PDE4DIP: variants seen among roughly 807,000 people sequenced by gnomAD.
The protein encoded by PDE4DIP is phosphodiesterase 4D interacting protein, also known as myomegalin.
In PDE4DIP, 59 loss-of-function variants were observed where a neutral mutation model predicts 221.4. The ratio of observed to expected loss-of-function variants is 0.27; its 90% CI spans 0.22 to 0.33. PDE4DIP has a LOEUF of 0.33. Ranked by LOEUF, PDE4DIP falls within the 10% of genes least tolerant of loss-of-function variation. The pLI, the probability that PDE4DIP is intolerant of heterozygous loss-of-function variation, is 1.00. For missense variants in PDE4DIP, 1,036 were observed against 2,154.2 expected (o/e 0.48, Z 10.28); for synonymous variants, 404 against 815.9 (o/e 0.50, Z 8.60).
At chr1:149,029,566 G>T (rs1352462685) in intron 41 of PDE4DIP, among the ~76,000 whole-genome samples, 20 of 152,260 alleles carry the variant, frequency 1.3e-4, no homozygotes, top group African/African-American at 4.8e-4. Context: ...GTGTAGGCCT[G>T]TGCTAGTCTG....
chr1:149,028,793 A>C (rs1167325772), intron 41 of PDE4DIP, 90 bp downstream of exon 44: 10 of 728,162 alleles, frequency 1.4e-5, no homozygotes, highest in African/African-American at 3.5e-5. Flanking sequence ...CTTTTCCAGA[A>C]AATCAGGAGC....
In PDE4DIP at chr1:148,999,595, C is replaced by T. The variant is rs2065136226; in HGVS notation, c.3137+1220C>T. Among the ~76,000 whole-genome samples, 3 of 151,896 alleles carry T rather than the reference C, an allele frequency of 2.0e-5. No individual in the cohort carries two copies. In the South Asian group the frequency reaches 6.2e-4, roughly 32 times the overall value. ...ATTGTTCTAAGTGCTGATTCTTTTG[C>T]TCTGAATTATCATAATAACTTTTTC... On this transcript the variant is annotated intron_variant, in intron 23 of 43. Coordinates refer to ENST00000369354, the Ensembl canonical transcript of PDE4DIP.
chr1:149,020,621 C>T, intron 36 of PDE4DIP: 1 of 364,562 alleles, frequency 2.7e-6, no homozygotes, highest in Non-Finnish European at 5.1e-6. Context: ...GAAGGGTTCC[C>T]ATGCTTCCAA....
At chr1:149,010,586 G>A in exon 31 of PDE4DIP, 1 of 1,613,940 alleles carries the variant, frequency 6.2e-7, no homozygotes, top group Non-Finnish European at 8.5e-7. Flanking sequence ...GGCCAACCAG[G>A]CCCATTCAGG....
At chr1:148,997,054 T>C (rs1200369655) in intron 22 of PDE4DIP, among the ~76,000 whole-genome samples, 37 of 152,326 alleles carry the variant, frequency 2.4e-4, no homozygotes, top group South Asian at 1.2e-3. Flanking sequence ...GAGGCCAAAA[T>C]TGACCCAAAG....
chr1:148,936,827 T>C (rs1392860883), intron 4 of PDE4DIP, among the ~76,000 whole-genome samples: 4 of 151,944 alleles, frequency 2.6e-5, no homozygotes, highest in Admixed American at 2.0e-4. Context: ...CACCTTTACA[T>C]CTTGTCCGCT....
At chr1:148,866,709 GAAGA>G (rs1686990126) in intron 2 of PDE4DIP, among the ~76,000 whole-genome samples, 1 of 54,422 alleles carries the variant, frequency 1.8e-5, no homozygotes, top group Non-Finnish European at 3.1e-5. Flanking sequence ...AAAGAGAAAG[GAAGA>G]AAGGAAGGAA....
At chr1:148,937,004 A>T (rs1253129167) in intron 4 of PDE4DIP, among the ~76,000 whole-genome samples, 1 of 152,252 alleles carries the variant, frequency 6.6e-6, no homozygotes, top group African/African-American at 2.4e-5. Flanking sequence ...TATAGTAAAT[A>T]CATAAACCAG....
intron 1 of PDE4DIP, among the ~76,000 whole-genome samples, chr1:148,827,388 G>A (rs1571426714): frequency 9.8e-6 from 1 of 102,114 alleles, no homozygotes; most frequent in Admixed American, 1.0e-4. Flanking sequence ...CCGAGTAGCT[G>A]GGACCACAGG....
chr1:148,973,808 GATTA>G (rs1373857981), intron 16 of PDE4DIP, among the ~76,000 whole-genome samples: 1 of 133,234 alleles, frequency 7.5e-6, no homozygotes, highest in African/African-American at 2.8e-5. Context: ...AAATTATTTG[GATTA>G]ATTTTTTTAT....
chr1:148,989,138 G>A (rs1553553775), intron 21 of PDE4DIP: 1 of 308,934 alleles, frequency 3.2e-6, no homozygotes. Flanking sequence ...GACCTTGTAT[G>A]AGATAACTTA....
At chr1:149,005,051 G>T (rs781844532) in exon 27 of PDE4DIP, 10 of 1,610,462 alleles carry the variant, frequency 6.2e-6, no homozygotes, top group South Asian at 5.5e-5. Context: ...AAGAGTTCCG[G>T]GTATATGGAA....
intron 4 of PDE4DIP, among the ~76,000 whole-genome samples, chr1:148,932,920 C>T (rs12058762): frequency 5.9e-5 from 9 of 152,206 alleles, no homozygotes; most frequent in South Asian, 2.1e-4. Flanking sequence ...AAAAGAGACC[C>T]CAGAGAGCTA....
intron 30 of PDE4DIP, 63 bp from the exon 34 acceptor site, chr1:149,010,380 A>G: frequency 6.7e-7 from 1 of 1,494,128 alleles, no homozygotes; most frequent in Non-Finnish European, 9.3e-7. Context: ...GGGTAAACAT[A>G]AGGCCAGGAT....
intron 19 of PDE4DIP, among the ~76,000 whole-genome samples, chr1:148,979,404 G>T (rs2060728725): frequency 6.6e-6 from 1 of 152,098 alleles, no homozygotes; most frequent in South Asian, 2.1e-4. Flanking sequence ...TTAATTGAAT[G>T]AATGAAGAAT....
At chr1:148,988,133 TGAA>T (rs2062240177) in intron 21 of PDE4DIP, among the ~76,000 whole-genome samples, 1 of 152,110 alleles carries the variant, frequency 6.6e-6, no homozygotes, top group South Asian at 2.1e-4. Context: ...TATTCAGAAA[TGAA>T]GAAGTGCAGG....
At chr1:148,925,700 G>T (rs1262278219) in intron 1 of PDE4DIP, among the ~76,000 whole-genome samples, 1 of 151,686 alleles carries the variant, frequency 6.6e-6, no homozygotes, top group African/African-American at 2.4e-5. Flanking sequence ...TTGCACAGCT[G>T]TGTGCAAGGC....
intron 9 of PDE4DIP, among the ~76,000 whole-genome samples, chr1:148,963,156 G>A (rs1164376625): frequency 6.6e-5 from 10 of 152,110 alleles, no homozygotes; most frequent in African/African-American, 2.4e-4. Flanking sequence ...CCTCCCTCAC[G>A]TAACTTTTGT....
intron 23 of PDE4DIP, among the ~76,000 whole-genome samples, chr1:149,000,581 T>A (rs2065417362): frequency 6.6e-6 from 1 of 151,728 alleles, no homozygotes. Flanking sequence ...AAATAAAAAT[T>A]AAAAAATCAC....
Sources: allele counts gnomAD v4.1 joint callset (sites outside exome capture counted in the v4.1 genomes callset), GRCh38; gene constraint gnomAD v4.1.1; transcripts MANE v1.5; gene names NCBI Gene and HGNC (gene_info 2026-07-23, HGNC 2026-07-21).